The following SNX4 variants were observed in gnomAD, a reference collection of about 807,000 sequenced individuals.
The protein encoded by SNX4 is sorting nexin 4, also known as sorting nexin-4.
In SNX4, 49 loss-of-function variants were observed where a neutral mutation model predicts 70.8. The ratio of observed to expected loss-of-function variants is 0.69; its 90% CI spans 0.55 to 0.88. The LOEUF (loss-of-function observed/expected upper bound fraction) is 0.88, where lower values mean the gene tolerates loss of function less well. SNX4 is among the 40% of genes least tolerant of loss of function. The pLI, the probability that SNX4 is intolerant of heterozygous loss-of-function variation, is 0.00. For synonymous variants in SNX4, 206 were observed against 183.8 expected, an observed-to-expected ratio of 1.12 and a Z score of -0.98; for missense variants, 528 against 544.8, an observed-to-expected ratio of 0.97 and a Z score of 0.31.
At chr3:125,475,175 AT>A (rs1210532718) in intron 8 of SNX4, among the ~76,000 whole-genome samples, 1 of 152,182 alleles carries the variant, frequency 6.6e-6, no homozygotes, top group Non-Finnish European at 1.5e-5. Context: ...CTGACATTTA[AT>A]TTTAATGTAT....
At chr3:125,467,340 T>C (rs1004403309) in intron 9 of SNX4, among the ~76,000 whole-genome samples, 36 of 151,836 alleles carry the variant, frequency 2.4e-4, no homozygotes, top group African/African-American at 8.7e-4. Flanking sequence ...TGAGCCAAGA[T>C]TGCGCCACGG....
chr3:125,494,541 T>C (rs73191122), intron 5 of SNX4, among the ~76,000 whole-genome samples: 29,031 of 152,222 alleles, frequency 0.19, 2,763 homozygotes, highest in Admixed American at 0.24. Flanking sequence ...GAAACTGTTT[T>C]AGATTCTAAA....
At chr3:125,498,244 T>C in intron 2 of SNX4, 50 bp from the exon 3 acceptor site, 1 of 1,439,836 alleles carries the variant, frequency 6.9e-7, no homozygotes, top group East Asian at 2.3e-5. Context: ...CAAAAATACA[T>C]ACACATAAAT....
chr3:125,487,440 A>G (rs1050191206), intron 6 of SNX4, among the ~76,000 whole-genome samples: 15 of 152,108 alleles, frequency 9.9e-5, no homozygotes, highest in African/African-American at 3.6e-4. Context: ...AAAACATTCA[A>G]TTGACAAAAT....
In SNX4 at chr3:125,520,128, C is replaced by T; in HGVS notation, c.45G>A (p.Ala15=). 1 of 1,469,564 alleles carries T rather than the reference C, an allele frequency of 6.8e-7. No homozygotes were observed. Among genetic ancestry groups the T allele is most frequent in the Non-Finnish European group, 9.0e-7 (1 of 1,116,146 alleles). The allele number at this position is 1,469,564 out of a possible 1,614,324, so 91.0% of individuals were successfully genotyped here. A position where few individuals can be genotyped will look rare whatever the true frequency, so the allele number is the denominator to read the frequency against. ...CTGGGGAGCCCAGCGGCTCCAAGGGCGCCGGCTGGAGCTGCCGCTCGGGGT... is the reference window on the plus strand; with the variant it reads ...CTGGGGAGCCCAGCGGCTCCAAGGGTGCCGGCTGGAGCTGCCGCTCGGGGT... ...PPDPERQLQP[A]PLEPLGSPDA... Residue 15 remains alanine, a synonymous_variant, in exon 1 of 14, where the codon GCG becomes GCA. Coordinates refer to ENST00000251775, the MANE Select transcript of SNX4 (RefSeq NM_003794.4).
In SNX4 at chr3:125,520,016, C is replaced by T. The variant is rs772451757; in HGVS notation, c.141+16G>A. 5.1e-6 allele frequency: 8 copies of T among 1,554,080 alleles called. No homozygotes were observed. In the Admixed American group the frequency reaches 5.6e-5, roughly 11 times the overall value. ...ACCACACAGGCCATGAGGGCTCTGC[C>T]GCCCCTTCTCCTCACCGTGTCGACC... On this transcript the variant is annotated intron_variant, in intron 1 of 13. Coordinates refer to ENST00000251775, the MANE Select transcript of SNX4 (RefSeq NM_003794.4).
In SNX4 at chr3:125,460,856, C is replaced by T. The variant is rs1271334872; in HGVS notation, c.859G>A (p.Ala287Thr). 2.1e-6 allele frequency: 3 copies of T among 1,437,622 alleles called. No individual in the cohort carries two copies. The highest frequency in any genetic ancestry group is 1.9e-6 in the Non-Finnish European group (2 of 1,050,748). 89.1% of individuals were successfully genotyped at this position (1,437,622 alleles called of 1,614,324 possible). The change falls in exon 10 of 14, where the codon GCA (alanine) becomes ACA (threonine). Residue 287 changes from alanine (A) to threonine (T), a missense_variant. Coordinates refer to ENST00000251775, the MANE Select transcript of SNX4 (RefSeq NM_003794.4). Reference sequence around the variant, plus strand: ...TCCAAAATATCATCAATAGAAGATGCATACCTGTTTTAAAAAAAAAAACAC... The same window carrying T: ...TCCAAAATATCATCAATAGAAGATGTATACCTGTTTTAAAAAAAAAAACAC... ...QSAGHHMDVY[A>T]SSIDDILEDE...
At chr3:125,455,044 T>A (rs1181395663) in intron 11 of SNX4, among the ~76,000 whole-genome samples, 1 of 152,036 alleles carries the variant, frequency 6.6e-6, no homozygotes, top group Non-Finnish European at 1.5e-5. Flanking sequence ...TCCTCCCACC[T>A]CTGCCTCCCA....
In SNX4 at chr3:125,446,755, A is replaced by G. The variant is rs1933432410; in HGVS notation, c.*1024T>C. The G allele has an allele frequency of 6.6e-6, 1 of 152,120 alleles. No homozygotes were observed. Among genetic ancestry groups the G allele is most frequent in the Admixed American group, 6.6e-5 (1 of 15,192 alleles). The allele number at this position is 152,120 out of a possible 1,614,324, so 9.4% of individuals were successfully genotyped here. ...AGTCAAATGCTAAACAGGACTAGGG[A>G]TTTTTTTTTACATCATTAGAAATAA... On this transcript the variant is annotated 3_prime_UTR_variant, in exon 14 of 14. Transcript: ENST00000251775.
chr3:125,500,444 G>A (rs1290324305), intron 2 of SNX4, among the ~76,000 whole-genome samples: 3 of 151,964 alleles, frequency 2.0e-5, no homozygotes, highest in Admixed American at 1.3e-4. Context: ...TTCAATCTTA[G>A]CCCACTAAAC....
At chr3:125,478,352 G>A (rs1199430793) in intron 7 of SNX4, among the ~76,000 whole-genome samples, 3 of 151,722 alleles carry the variant, frequency 2.0e-5, no homozygotes, top group East Asian at 3.9e-4. Context: ...TTACAGGTAC[G>A]AGCCACTGTG....
intron 1 of SNX4, among the ~76,000 whole-genome samples, 190 bp downstream of exon 1, chr3:125,519,842 C>T (rs1559829270): frequency 6.6e-6 from 1 of 152,110 alleles, no homozygotes; most frequent in Non-Finnish European, 1.5e-5. Context: ...CACCCAGCAC[C>T]CTGTTTTTCC....
chr3:125,488,113 C>T (rs911289887), intron 6 of SNX4, among the ~76,000 whole-genome samples: 20 of 147,954 alleles, frequency 1.4e-4, no homozygotes, highest in African/African-American at 4.5e-4. Context: ...CTGTATACTC[C>T]ACTCAATTTT....
chr3:125,451,776 G>A (rs1441102433), intron 12 of SNX4, among the ~76,000 whole-genome samples: 4 of 151,912 alleles, frequency 2.6e-5, no homozygotes, highest in African/African-American at 4.8e-5. Context: ...ACAGGCACAC[G>A]CCACTACGCC....
At chr3:125,472,329 A>G (rs1934195962) in intron 8 of SNX4, among the ~76,000 whole-genome samples, 1 of 152,148 alleles carries the variant, frequency 6.6e-6, no homozygotes. Context: ...CTTATAGGTC[A>G]GCAGCACCAA....
intron 7 of SNX4, among the ~76,000 whole-genome samples, chr3:125,479,521 C>G (rs1159382766): frequency 6.6e-6 from 1 of 152,030 alleles, no homozygotes; most frequent in Non-Finnish European, 1.5e-5. Context: ...TGCCACTGCA[C>G]TCCAGCCTGG....
chr3:125,493,846 A>G (rs1934719055), intron 5 of SNX4, among the ~76,000 whole-genome samples: 2 of 151,512 alleles, frequency 1.3e-5, no homozygotes, highest in Non-Finnish European at 2.9e-5. Context: ...CCTGGCTAAC[A>G]TGGTGAAACC....
intron 7 of SNX4, among the ~76,000 whole-genome samples, chr3:125,477,225 G>T (rs1417636626): frequency 6.6e-6 from 1 of 152,078 alleles, no homozygotes; most frequent in Non-Finnish European, 1.5e-5. Context: ...CCCCAAAGTG[G>T]AATTAACCAA....
intron 4 of SNX4, 138 bp downstream of exon 4, chr3:125,497,696 C>T: frequency 4.9e-6 from 3 of 615,436 alleles, no homozygotes; most frequent in Non-Finnish European, 8.1e-6. Flanking sequence ...ATGACATAAT[C>T]CATTAATTAG....
Sources: gnomAD v4.1 joint callset for allele counts (sites outside exome capture counted in the v4.1 genomes callset) on GRCh38, gnomAD v4.1.1 for gene constraint, MANE v1.5 for transcripts, NCBI Gene and HGNC (gene_info 2026-07-23, HGNC 2026-07-21) for gene names.